POU6F2: variants seen among roughly 807,000 people sequenced by gnomAD.
The protein encoded by POU6F2 is POU class 6 homeobox 2, also known as POU domain, class 6, transcription factor 2.
A neutral mutation model predicts 71.3 loss-of-function variants in POU6F2; 31 were observed. The observed-to-expected ratio is 0.43, with a 90% CI of 0.33 to 0.59. POU6F2 has a LOEUF of 0.59. Ranked by LOEUF, POU6F2 falls within the 20% of genes least tolerant of loss-of-function variation. The probability of loss-of-function intolerance (pLI) is 0.04; values close to 1 mark genes in which losing one functional copy is unlikely to be tolerated. For missense variants in POU6F2, 783 were observed against 856.8 expected (o/e 0.91, Z 1.07); for synonymous variants, 347 against 355.7 (o/e 0.98, Z 0.27).
chr7:39,138,807 C>T (rs956629311), intron 2 of POU6F2, among the ~76,000 whole-genome samples: 24 of 152,206 alleles, frequency 1.6e-4, no homozygotes, highest in African/African-American at 5.1e-4. Flanking sequence ...TTCCACCAAA[C>T]TGGTCCCTGG....
chr7:39,366,904 A>C (rs1464215847), intron 5 of POU6F2, among the ~76,000 whole-genome samples: 1 of 152,040 alleles, frequency 6.6e-6, no homozygotes, highest in Admixed American at 6.6e-5. Context: ...CAGGGATACA[A>C]GATGTCAGGG....
chr7:39,427,878 T>C (rs1216267158), intron 6 of POU6F2, among the ~76,000 whole-genome samples: 1 of 152,242 alleles, frequency 6.6e-6, no homozygotes, highest in Non-Finnish European at 1.5e-5. Flanking sequence ...CTGAATGCCC[T>C]GGGCTTCTGT....
chr7:39,176,956 G>A (rs1793343001), intron 2 of POU6F2, among the ~76,000 whole-genome samples: 3 of 152,174 alleles, frequency 2.0e-5, no homozygotes, highest in Admixed American at 2.0e-4. Flanking sequence ...CCCATAGAAA[G>A]TCACAGAATT....
intron 5 of POU6F2, among the ~76,000 whole-genome samples, chr7:39,390,970 T>C (rs1157848041): frequency 6.6e-6 from 1 of 152,182 alleles, no homozygotes; most frequent in Non-Finnish European, 1.5e-5. Flanking sequence ...TTCCCAAACC[T>C]TTCATTCCGA....
rs550167252 is a variant in POU6F2, at chr7:39,381,384, C to T, written c.973-25216C>T. ...TCTTGAGTAGCTGGGACTACAGGCA[C>T]GCGCCACCACACCCAGCTAATTTTT... On this transcript the variant is annotated intron_variant, in intron 5 of 9. Coordinates refer to ENST00000518318, the MANE Select transcript of POU6F2 (RefSeq NM_001370959.1). 2.1e-4 allele frequency among the ~76,000 whole-genome samples: 32 copies of T among 152,176 alleles called. No individual in the cohort carries two copies. The East Asian group carries it at 4.6e-3, about 22-fold the overall frequency.
In POU6F2 at chr7:39,465,490, C is replaced by T. The variant is rs1254763227; in HGVS notation, c.*804C>T. On this transcript the variant is annotated 3_prime_UTR_variant, in exon 10 of 10. Coordinates refer to ENST00000518318, the MANE Select transcript of POU6F2 (RefSeq NM_001370959.1). ...GGGCATCCTGGATCGTGTGCCAAAG[C>T]ATTTGTTGCTTTTTTCTCACTATGA... 1 of 152,096 alleles carries T rather than the reference C, an allele frequency of 6.6e-6. No individual in the cohort carries two copies. The highest frequency in any genetic ancestry group is 1.9e-4 in the East Asian group (1 of 5,202). 9.4% of individuals were successfully genotyped at this position (152,096 alleles called of 1,614,324 possible). A position where few individuals can be genotyped will look rare whatever the true frequency, so the allele number is the denominator to read the frequency against.
At chr7:39,119,376 T>TAC (rs1255355555) in intron 2 of POU6F2, among the ~76,000 whole-genome samples, 1 of 152,250 alleles carries the variant, frequency 6.6e-6, no homozygotes, top group Non-Finnish European at 1.5e-5. Flanking sequence ...AATATCACTG[T>TAC]ACACTGTGTC....
chr7:39,301,825 G>A (rs879933664), intron 4 of POU6F2, among the ~76,000 whole-genome samples: 2 of 152,140 alleles, frequency 1.3e-5, no homozygotes, highest in African/African-American at 2.4e-5. Flanking sequence ...GGAGCCACCA[G>A]TAGCCTATAT....
intron 7 of POU6F2, among the ~76,000 whole-genome samples, chr7:39,449,514 A>G (rs1322780749): frequency 6.6e-6 from 1 of 152,242 alleles, no homozygotes; most frequent in African/African-American, 2.4e-5. Flanking sequence ...AAAATGGTAC[A>G]ACCACTTTGG....
intron 7 of POU6F2, among the ~76,000 whole-genome samples, chr7:39,440,932 A>G (rs1788387905): frequency 6.6e-6 from 1 of 151,928 alleles, no homozygotes; most frequent in Non-Finnish European, 1.5e-5. Context: ...TTTTCCTTTC[A>G]ATGGTCAAGT....
At chr7:39,035,824 GA>G (rs1215308870) in intron 1 of POU6F2, among the ~76,000 whole-genome samples, 1 of 152,082 alleles carries the variant, frequency 6.6e-6, no homozygotes, top group East Asian at 1.9e-4. Context: ...AAAAGAAGAT[GA>G]GAGGAAATAA....
At chr7:39,317,127 C>T (rs1297598289) in intron 4 of POU6F2, among the ~76,000 whole-genome samples, 3 of 152,314 alleles carry the variant, frequency 2.0e-5, no homozygotes, top group Admixed American at 6.5e-5. Context: ...CCACCCCCTC[C>T]GCAGTAAGTT....
intron 7 of POU6F2, among the ~76,000 whole-genome samples, chr7:39,447,723 G>A: frequency 6.6e-6 from 1 of 152,100 alleles, no homozygotes; most frequent in Non-Finnish European, 1.5e-5. Flanking sequence ...GGAAGGAAAG[G>A]AAAGAAACTT....
intron 3 of POU6F2, among the ~76,000 whole-genome samples, chr7:39,205,800 T>C (rs887705444): frequency 6.6e-6 from 1 of 152,208 alleles, no homozygotes; most frequent in Non-Finnish European, 1.5e-5. Flanking sequence ...CCTAGGGCTC[T>C]GCAGAGTCTC....
intron 1 of POU6F2, among the ~76,000 whole-genome samples, chr7:39,020,650 ACTGT>A (rs1282494970): frequency 2.0e-5 from 3 of 152,058 alleles, no homozygotes; most frequent in Admixed American, 6.6e-5. Flanking sequence ...TTATTCAGCT[ACTGT>A]CTATTTTTTA....
intron 1 of POU6F2, among the ~76,000 whole-genome samples, chr7:39,060,952 TA>T (rs761531424): frequency 1.8e-3 from 257 of 140,118 alleles, no homozygotes; most frequent in South Asian, 1.4e-3. Context: ...TCACTAAGCT[TA>T]AAAAAAAAAA....
At chr7:39,065,467 G>T (rs1194566952) in intron 1 of POU6F2, among the ~76,000 whole-genome samples, 1 of 151,190 alleles carries the variant, frequency 6.6e-6, no homozygotes, top group Admixed American at 6.6e-5. Context: ...AAAGACATTG[G>T]GTAGAAAGAT....
At chr7:39,407,643 C>T (rs1787463824) in intron 6 of POU6F2, among the ~76,000 whole-genome samples, 1 of 151,944 alleles carries the variant, frequency 6.6e-6, no homozygotes, top group Admixed American at 6.6e-5. Flanking sequence ...TTCCCCCCAG[C>T]CTTATCTATT....
intron 5 of POU6F2, among the ~76,000 whole-genome samples, chr7:39,358,883 A>AC (rs1786317857): frequency 6.6e-6 from 1 of 151,842 alleles, no homozygotes; most frequent in African/African-American, 2.4e-5. Flanking sequence ...TAAAAAAAAA[A>AC]AAAAAAAAGA....
Sources: allele counts gnomAD v4.1 joint callset (sites outside exome capture counted in the v4.1 genomes callset), GRCh38; gene constraint gnomAD v4.1.1; transcripts MANE v1.5; gene names NCBI Gene and HGNC (gene_info 2026-07-23, HGNC 2026-07-21).